Variants in ANKS1B observed in about 807,000 individuals in gnomAD.
ANKS1B encodes the protein ankyrin repeat and sterile alpha motif domain containing 1B, also known as ankyrin repeat and sterile alpha motif domain-containing protein 1B.
Under a neutral mutation model 148.3 loss-of-function variants are expected in ANKS1B, and 36 were observed. That is an observed-to-expected ratio of 0.24 (90% CI 0.19 to 0.32). ANKS1B has a LOEUF of 0.32. Among genes scored for constraint, ANKS1B ranks in the 10% least tolerant of loss-of-function variants. The pLI, the probability that ANKS1B is intolerant of heterozygous loss-of-function variation, is 1.00. For missense variants in ANKS1B, 1,157 were observed against 1,542.6 expected, an observed-to-expected ratio of 0.75 and a Z score of 4.19; for synonymous variants, 542 against 560.8, an observed-to-expected ratio of 0.97 and a Z score of 0.47.
chr12:99,863,329 T>C (rs1351506912), intron 1 of ANKS1B, among the ~76,000 whole-genome samples: 1 of 152,170 alleles, frequency 6.6e-6, no homozygotes, highest in Non-Finnish European at 1.5e-5. Flanking sequence ...CCACTTGACT[T>C]TTTCCCTGTG....
intron 14 of ANKS1B, among the ~76,000 whole-genome samples, chr12:99,160,551 T>C (rs1474670628): frequency 2.0e-5 from 3 of 151,224 alleles, no homozygotes; most frequent in Non-Finnish European, 4.4e-5. Flanking sequence ...GGTTTCACCA[T>C]GTTAGCCAGG....
At chr12:98,852,123 A>G (rs1173124195) in intron 17 of ANKS1B, among the ~76,000 whole-genome samples, 2 of 151,022 alleles carry the variant, frequency 1.3e-5, no homozygotes, top group Non-Finnish European at 3.0e-5. Context: ...AATGGGCTGC[A>G]GTGGGGAGGC....
intron 11 of ANKS1B, among the ~76,000 whole-genome samples, chr12:99,429,897 A>G (rs1021065810): frequency 2.0e-5 from 3 of 151,938 alleles, no homozygotes; most frequent in African/African-American, 7.3e-5. Context: ...CCGGGAGGCG[A>G]AGCTTGCAGT....
At chr12:99,225,763 C>T (rs936548400) in intron 14 of ANKS1B, among the ~76,000 whole-genome samples, 2 of 152,200 alleles carry the variant, frequency 1.3e-5, no homozygotes, top group African/African-American at 4.8e-5. Context: ...GGGCCTTCGG[C>T]CACAGACTGA....
chr12:99,420,393 A>G (rs2095046149), intron 11 of ANKS1B, among the ~76,000 whole-genome samples: 1 of 152,352 alleles, frequency 6.6e-6, no homozygotes, highest in Non-Finnish European at 1.5e-5. Flanking sequence ...ATGTGACAAT[A>G]TAAGTACTTC....
In ANKS1B at chr12:98,751,318, C is replaced by A; in HGVS notation, c.3747+37G>T. ...GTTAGCAGCCCCTTTTCCTCCTGTTCAAGGTTTTTTAGAACATCTGTATCG... is the reference window on the plus strand; with the variant it reads ...GTTAGCAGCCCCTTTTCCTCCTGTTAAAGGTTTTTTAGAACATCTGTATCG... On this transcript the variant is annotated intron_variant, in intron 26 of 26. Transcript: ENST00000683438. This position sits in a 1 kb window ranked among gnomAD's most constrained non-coding sequence, Gnocchi z 4.3. The A allele has an allele frequency of 1.9e-6, 3 of 1,604,980 alleles. No homozygotes were observed. The highest frequency in any genetic ancestry group is 1.1e-5 in the South Asian group (1 of 89,990).
At chr12:99,805,835 A>G (rs892714752) in intron 4 of ANKS1B, among the ~76,000 whole-genome samples, 2 of 151,960 alleles carry the variant, frequency 1.3e-5, no homozygotes, top group African/African-American at 4.8e-5. Context: ...TAAACAGTAC[A>G]TTACGGTGGA....
At chr12:99,502,149 C>A (rs1363238663) in intron 10 of ANKS1B, among the ~76,000 whole-genome samples, 1 of 152,092 alleles carries the variant, frequency 6.6e-6, no homozygotes, top group East Asian at 1.9e-4. Context: ...CTCTATCACA[C>A]CTGATATTCC....
In ANKS1B at chr12:99,390,339, G is replaced by A. The variant is rs12580952; in HGVS notation, c.1756+9292C>T. Among the ~76,000 whole-genome samples, 577 of 152,196 alleles carry A rather than the reference G, an allele frequency of 3.8e-3. 35 individuals are homozygous for A. The East Asian group carries it at 0.086, about 23-fold the overall frequency. On this transcript the variant is annotated intron_variant, in intron 12 of 26. Coordinates refer to ENST00000683438, the MANE Select transcript of ANKS1B (RefSeq NM_001352186.2). ...TGGACAGGGTACCTAATGCCCTCAC[G>A]GAAGAAAAGGTGGGTTAGCAAGTCA...
chr12:99,264,368 T>C (rs562882739), intron 12 of ANKS1B, among the ~76,000 whole-genome samples: 2 of 152,292 alleles, frequency 1.3e-5, no homozygotes, highest in South Asian at 4.1e-4. Flanking sequence ...TTCTTCTGTC[T>C]ATTAAATGTC....
chr12:99,708,316 C>G (rs2056130341), intron 8 of ANKS1B, among the ~76,000 whole-genome samples: 1 of 152,072 alleles, frequency 6.6e-6, no homozygotes, highest in African/African-American at 2.4e-5. Context: ...TTATTTAATA[C>G]CATATTGAGG....
At chr12:99,494,824 T>G (rs920704941) in intron 10 of ANKS1B, among the ~76,000 whole-genome samples, 1 of 150,648 alleles carries the variant, frequency 6.6e-6, no homozygotes, top group Non-Finnish European at 1.5e-5. Context: ...GGAAAAGACC[T>G]GGCGCATAGA....
rs1450197110 is a variant in ANKS1B at position 99,510,392 on chromosome 12, T to C, written c.1273-5751A>G. 3.3e-5 allele frequency among the ~76,000 whole-genome samples: 5 copies of C among 152,104 alleles called. No individual in the cohort carries two copies. In the South Asian group the frequency reaches 1.0e-3, roughly 31 times the overall value. The stretch of plus-strand genomic sequence containing the variant: ...TGCCATTCAGAACATTTGTGATTCA[T>C]CAGATGAAGTCAACATCAATGAGTC... On this transcript the variant is annotated intron_variant, in intron 9 of 26. Transcript: ENST00000683438.
chr12:99,531,524 C>G (rs895088324), intron 9 of ANKS1B, among the ~76,000 whole-genome samples: 5 of 152,152 alleles, frequency 3.3e-5, no homozygotes, highest in Admixed American at 6.5e-5. Flanking sequence ...ATACAAGGTG[C>G]TGCAAAAGAC....
intron 9 of ANKS1B, among the ~76,000 whole-genome samples, chr12:99,640,196 T>C (rs2098288226): frequency 6.6e-6 from 1 of 152,036 alleles, no homozygotes; most frequent in Non-Finnish European, 1.5e-5. Flanking sequence ...ACTTAATTAA[T>C]TAAAATAAAA....
At chr12:98,879,577 C>T (rs1358176972) in intron 17 of ANKS1B, among the ~76,000 whole-genome samples, 1 of 152,072 alleles carries the variant, frequency 6.6e-6, no homozygotes, top group African/African-American at 2.4e-5. Flanking sequence ...TTATGTATTT[C>T]TCTTGCTTCT....
At chr12:99,820,177 C>A (rs1427559685) in intron 2 of ANKS1B, among the ~76,000 whole-genome samples, 1 of 151,774 alleles carries the variant, frequency 6.6e-6, no homozygotes, top group African/African-American at 2.4e-5. Context: ...TTACAAATAA[C>A]CCAAGAAATC....
In ANKS1B at chr12:99,062,391, T is replaced by C. The variant is rs11109716; in HGVS notation, c.2626-9082A>G. Among the ~76,000 whole-genome samples, 958 of 152,264 alleles carry C rather than the reference T, an allele frequency of 6.3e-3. 15 individuals are homozygous for C. The highest frequency in any genetic ancestry group is 0.022 in the African/African-American group (915 of 41,548). On this transcript the variant is annotated intron_variant, in intron 16 of 26. Coordinates refer to ENST00000683438, the MANE Select transcript of ANKS1B (RefSeq NM_001352186.2). ...ACAGGTAGGACTGCAGAGGTGACTT[T>C]GTAGTGTGAGAAGAGAAGTGGCCTG...
At chr12:99,246,154 T>C in intron 13 of ANKS1B, 121 bp downstream of exon 13, 1 of 716,574 alleles carries the variant, frequency 1.4e-6, no homozygotes, top group South Asian at 2.4e-5. Context: ...TCATTCCAGT[T>C]GGAGCCGTAT....
Sources: allele counts gnomAD v4.1 joint callset (sites outside exome capture counted in the v4.1 genomes callset), GRCh38; gene constraint gnomAD v4.1.1; non-coding constraint Gnocchi (gnomAD v3.1); transcripts MANE v1.5; gene names NCBI Gene and HGNC (gene_info 2026-07-23, HGNC 2026-07-21).